The following NELL2 variants were observed in gnomAD, a reference collection of about 807,000 sequenced individuals.
NELL2 encodes the protein protein kinase C-binding protein NELL2.
NELL2 carries 41 observed loss-of-function variants against 109.6 expected under a neutral mutation model. The observed-to-expected ratio is 0.37, with a 90% CI of 0.29 to 0.49. NELL2 has a LOEUF of 0.49. Among genes scored for constraint, NELL2 ranks in the 20% least tolerant of loss-of-function variants. The probability of loss-of-function intolerance (pLI) is 0.98; values close to 1 mark genes in which losing one functional copy is unlikely to be tolerated. For missense variants in NELL2, 900 were observed against 1,008.3 expected (o/e 0.89, Z 1.45); for synonymous variants, 355 against 344.7 (o/e 1.03, Z -0.33).
At chr12:44,909,157 A>C (rs1249596108) in intron 1 of NELL2, among the ~76,000 whole-genome samples, 1 of 152,030 alleles carries the variant, frequency 6.6e-6, no homozygotes. Flanking sequence ...TTTACTGATG[A>C]TATGATTCTA....
At chr12:44,581,776 T>C (rs1226528640) in intron 15 of NELL2, among the ~76,000 whole-genome samples, 1 of 152,156 alleles carries the variant, frequency 6.6e-6, no homozygotes, top group Non-Finnish European at 1.5e-5. Context: ...TGAACTATGA[T>C]CTTAACTTGA....
At chr12:44,509,953 T>C (rs1429264045) in intron 19 of NELL2, among the ~76,000 whole-genome samples, 1 of 151,740 alleles carries the variant, frequency 6.6e-6, no homozygotes. Flanking sequence ...AAAAAAAGCT[T>C]TGGGTAAGAA....
chr12:44,796,330 T>C (rs182851700), intron 3 of NELL2, among the ~76,000 whole-genome samples: 2,195 of 152,248 alleles, frequency 0.014, 50 homozygotes, highest in African/African-American at 0.05. Flanking sequence ...AAGAATCTAC[T>C]GAACTAATGG....
intron 12 of NELL2, among the ~76,000 whole-genome samples, chr12:44,684,516 C>A (rs951089991): frequency 1.3e-5 from 2 of 151,940 alleles, no homozygotes; most frequent in Non-Finnish European, 2.9e-5. Context: ...TGTTAGGGTG[C>A]CAATTTTGGA....
intron 3 of NELL2, among the ~76,000 whole-genome samples, chr12:44,794,255 C>T (rs1262595265): frequency 6.6e-6 from 1 of 152,140 alleles, no homozygotes; most frequent in East Asian, 1.9e-4. Context: ...TTTGAATGAG[C>T]TGACTTAAGA....
At chr12:44,748,755 T>A (rs534395555) in intron 9 of NELL2, among the ~76,000 whole-genome samples, 4 of 152,156 alleles carry the variant, frequency 2.6e-5, no homozygotes, top group Non-Finnish European at 5.9e-5. Flanking sequence ...TGAAAAGATG[T>A]ATCCATTTAC....
chr12:44,558,728 C>T (rs760192827), intron 15 of NELL2, among the ~76,000 whole-genome samples: 3 of 152,164 alleles, frequency 2.0e-5, no homozygotes, highest in African/African-American at 7.2e-5. Flanking sequence ...CCCTGGGTTT[C>T]AAGCGCAAAA....
At chr12:44,698,402 A>G (rs1419435822) in intron 12 of NELL2, among the ~76,000 whole-genome samples, 1 of 152,206 alleles carries the variant, frequency 6.6e-6, no homozygotes, top group African/African-American at 2.4e-5. Flanking sequence ...AGCTGGGCAA[A>G]GAAGTTCAGA....
At chr12:44,757,088 C>A (rs969101568) in intron 9 of NELL2, among the ~76,000 whole-genome samples, 2 of 152,192 alleles carry the variant, frequency 1.3e-5, no homozygotes, top group Non-Finnish European at 2.9e-5. Context: ...AGCCATCCAT[C>A]CACTTTGCAC....
intron 2 of NELL2, among the ~76,000 whole-genome samples, chr12:44,828,240 G>C (rs1304898251): frequency 6.6e-6 from 1 of 152,026 alleles, no homozygotes; most frequent in Non-Finnish European, 1.5e-5. Context: ...TGGGTAGTTT[G>C]CAAATGTTTT....
intron 1 of NELL2, among the ~76,000 whole-genome samples, chr12:44,919,363 C>T (rs1263083524): frequency 6.6e-6 from 1 of 151,928 alleles, no homozygotes; most frequent in Non-Finnish European, 1.5e-5. Flanking sequence ...TGCAAACCTA[C>T]ATAAATACCC....
At chr12:44,586,487 C>A (rs184984990) in intron 15 of NELL2, among the ~76,000 whole-genome samples, 1 of 152,068 alleles carries the variant, frequency 6.6e-6, no homozygotes, top group East Asian at 1.9e-4. Context: ...AAGGCCTCTG[C>A]TCAGAATAAT....
rs897079128 is a variant in NELL2, at chr12:44,893,142, C to T, written c.39-17242G>A. On this transcript the variant is annotated intron_variant, in intron 1 of 20. Transcript: ENST00000333837. ...GAAATCAGGTAATGGTAGAATCATG[C>T]TCCCTGTGAAGCCCCTAGAGAAGGA... 2.6e-5 allele frequency among the ~76,000 whole-genome samples: 4 copies of T among 152,216 alleles called. No homozygotes were observed. In the East Asian group the frequency reaches 7.8e-4, roughly 30 times the overall value.
At position 44,875,207 on chromosome 12, in the gene NELL2, G is replaced by A; in HGVS notation, c.184+18C>T. On this transcript the variant is annotated intron_variant, in intron 2 of 19. Transcript: ENST00000429094. ...TCGGAACTGAAATCACAGTGGGGAT[G>A]CAGCACGCCGGGCATACCTTGAAAG... 6.2e-7 allele frequency: 1 copy of A among 1,603,658 alleles called. No individual in the cohort carries two copies. Among genetic ancestry groups the A allele is most frequent in the African/African-American group, 1.3e-5 (1 of 74,804 alleles).
At chr12:44,561,721 T>C (rs559759513) in intron 15 of NELL2, among the ~76,000 whole-genome samples, 1 of 152,286 alleles carries the variant, frequency 6.6e-6, no homozygotes, top group African/African-American at 2.4e-5. Context: ...GAAGAATCAA[T>C]ATAGTGAAAA....
intron 15 of NELL2, among the ~76,000 whole-genome samples, chr12:44,591,793 C>G (rs1451402219): frequency 6.6e-6 from 1 of 152,120 alleles, no homozygotes; most frequent in Non-Finnish European, 1.5e-5. Flanking sequence ...GAAATGATAA[C>G]TGTTTGAGGT....
intron 13 of NELL2, among the ~76,000 whole-genome samples, chr12:44,628,702 G>C (rs992079088): frequency 6.6e-6 from 1 of 152,078 alleles, no homozygotes; most frequent in Admixed American, 6.6e-5. Context: ...TTTAGCATTT[G>C]ATAATACTCA....
At chr12:44,667,501 CA>C (rs1947965316) in intron 12 of NELL2, among the ~76,000 whole-genome samples, 1 of 152,136 alleles carries the variant, frequency 6.6e-6, no homozygotes, top group Admixed American at 6.5e-5. Flanking sequence ...GTGAGCCAGC[CA>C]GATTCGGCTC....
intron 9 of NELL2, among the ~76,000 whole-genome samples, chr12:44,722,027 A>C (rs1231385819): frequency 1.3e-5 from 2 of 152,106 alleles, no homozygotes; most frequent in African/African-American, 4.8e-5. Context: ...AAGAGAGAGC[A>C]GAGGAAGCAA....
Sources: gnomAD v4.1 joint callset for allele counts (sites outside exome capture counted in the v4.1 genomes callset) on GRCh38, gnomAD v4.1.1 for gene constraint, MANE v1.5 for transcripts, NCBI Gene and HGNC (gene_info 2026-07-23, HGNC 2026-07-21) for gene names.